PREX2: variants seen among roughly 807,000 people sequenced by gnomAD.
PREX2 encodes the protein phosphatidylinositol-3,4,5-trisphosphate dependent Rac exchange factor 2, also known as phosphatidylinositol 3,4,5-trisphosphate-dependent Rac exchanger 2 protein.
Under a neutral mutation model 203.2 loss-of-function variants are expected in PREX2, and 107 were observed. The ratio of observed to expected loss-of-function variants is 0.53; its 90% CI spans 0.45 to 0.62. The LOEUF (loss-of-function observed/expected upper bound fraction) is 0.62. PREX2 is among the 20% of genes least tolerant of loss of function. The pLI is 0.00. For synonymous variants in PREX2, 672 were observed against 663.6 expected (o/e 1.01, Z -0.19); for missense variants, 1,777 against 1,955.9 (o/e 0.91, Z 1.72).
intron 1 of PREX2, among the ~76,000 whole-genome samples, chr8:68,002,178 C>T (rs1308842712): frequency 7.5e-6 from 1 of 133,648 alleles, no homozygotes; most frequent in East Asian, 2.2e-4. Context: ...GGTGGAGTCT[C>T]GCTGTGCCAT....
At chr8:68,189,262 C>T (rs1232384599) in intron 35 of PREX2, among the ~76,000 whole-genome samples, 6 of 152,284 alleles carry the variant, frequency 3.9e-5, no homozygotes, top group Middle Eastern at 6.8e-3. Context: ...ATATTTAAAA[C>T]GTCCAGTCTT....
intron 5 of PREX2, 83 bp downstream of exon 5, chr8:68,027,406 G>T (rs956190125): frequency 2.2e-6 from 2 of 895,380 alleles, no homozygotes; most frequent in Non-Finnish European, 3.7e-6. Context: ...TTATTTTAAT[G>T]AGTCTGATAT....
intron 18 of PREX2, among the ~76,000 whole-genome samples, chr8:68,087,043 AG>A (rs1809714021): frequency 6.6e-6 from 1 of 152,134 alleles, no homozygotes; most frequent in African/African-American, 2.4e-5. Flanking sequence ...TAAGGAGAAA[AG>A]TTTCTGTTTT....
At chr8:67,993,814 C>T (rs567392457) in intron 1 of PREX2, among the ~76,000 whole-genome samples, 1 of 152,244 alleles carries the variant, frequency 6.6e-6, no homozygotes, top group East Asian at 1.9e-4. Context: ...AGCATTCTAT[C>T]CAATACGTTC....
intron 1 of PREX2, among the ~76,000 whole-genome samples, chr8:67,992,342 C>T (rs1029653519): frequency 1.3e-5 from 2 of 152,140 alleles, no homozygotes; most frequent in African/African-American, 4.8e-5. Context: ...TGGTTTTTCT[C>T]TATTTTCATG....
At chr8:68,162,243 T>C (rs1204209445) in intron 35 of PREX2, among the ~76,000 whole-genome samples, 1 of 152,198 alleles carries the variant, frequency 6.6e-6, no homozygotes, top group Admixed American at 6.5e-5. Context: ...TTTGAACGAT[T>C]TTATACTAGT....
rs1812317996 is a variant in PREX2 at position 68,192,479 on chromosome 8, A to T, written c.4558A>T (p.Arg1520Trp). ...LLSVSSELCNRLGACHIIMCS... is the reference protein window; with the variant it reads ...LLSVSSELCNWLGACHIIMCS... ...GTCAGTTTCCTCGGAGCTGTGCAAC[A>T]GGCTGGGCGCCTGCCACATCATCAT... The change falls in exon 37 of 40, where the codon AGG (arginine) becomes TGG (tryptophan). Residue 1520 changes from arginine to tryptophan, a missense_variant. Coordinates refer to ENST00000288368, the MANE Select transcript of PREX2 (RefSeq NM_024870.4). 1 of 1,611,046 alleles carries T rather than the reference A, an allele frequency of 6.2e-7. No homozygotes were observed. Among genetic ancestry groups the T allele is most frequent in the African/African-American group, 1.3e-5 (1 of 74,882 alleles).
chr8:68,232,025 C>T lies in PREX2; in HGVS notation c.*647C>T, dbSNP rs1191871816. 6.6e-6 allele frequency: 1 copy of T among 152,156 alleles called. No individual in the cohort carries two copies. Among genetic ancestry groups the T allele is most frequent in the Non-Finnish European group, 1.5e-5 (1 of 68,032 alleles). 9.4% of individuals were successfully genotyped at this position (152,156 alleles called of 1,614,324 possible). On this transcript the variant is annotated 3_prime_UTR_variant, in exon 40 of 40. Coordinates refer to ENST00000288368, the MANE Select transcript of PREX2 (RefSeq NM_024870.4). ...AGCAGGACTCACTTTCTTCTAGCTG[C>T]CTTTGGGCATCCTTTATTCTTGTGG...
At position 68,191,757 on chromosome 8, in the gene PREX2, A is replaced by G. The variant is rs199977745; in HGVS notation, c.4382A>G (p.Asn1461Ser). 23 of 1,610,810 alleles carry G rather than the reference A, an allele frequency of 1.4e-5. 1 individual carries two copies. The East Asian group carries it at 1.8e-4, about 13-fold the overall frequency. Residue 1461 changes from asparagine (N) to serine (S), a missense_variant, in exon 36 of 40, where the codon AAC becomes AGC. Coordinates refer to ENST00000288368, the MANE Select transcript of PREX2 (RefSeq NM_024870.4). ...TTGGACAAGTCAAATTCACCACCAAACTCCACATCCAAAGCTGCCTATGTA... is the reference window on the plus strand; with the variant it reads ...TTGGACAAGTCAAATTCACCACCAAGCTCCACATCCAAAGCTGCCTATGTA... Reference protein sequence around the residue: ...FYLDKSNSPPNSTSKAAYVDK... With the variant: ...FYLDKSNSPPSSTSKAAYVDK...
intron 6 of PREX2, among the ~76,000 whole-genome samples, chr8:68,032,144 C>G (rs1336163652): frequency 6.6e-6 from 1 of 152,124 alleles, no homozygotes; most frequent in African/African-American, 2.4e-5. Context: ...GGGTGCCTGA[C>G]TTCACCAGCT....
chr8:67,991,447 A>G (rs1806604944), intron 1 of PREX2, among the ~76,000 whole-genome samples: 1 of 152,080 alleles, frequency 6.6e-6, no homozygotes, highest in African/African-American at 2.4e-5. Context: ...CAGCATAGCT[A>G]GGGAGGCCTC....
intron 35 of PREX2, among the ~76,000 whole-genome samples, chr8:68,185,096 T>A (rs1022668712): frequency 4.6e-5 from 7 of 152,200 alleles, no homozygotes; most frequent in African/African-American, 1.7e-4. Context: ...TTTTGAATGC[T>A]GAATGATTCT....
chr8:68,138,248 T>C (rs971413281), intron 32 of PREX2, among the ~76,000 whole-genome samples, 167 bp from the exon 33 acceptor site: 4 of 152,194 alleles, frequency 2.6e-5, no homozygotes, highest in Admixed American at 2.6e-4. Flanking sequence ...GATTTGTTCA[T>C]TTCATTTTGG....
In PREX2 at chr8:68,115,869, A is replaced by G. The variant is rs760368551; in HGVS notation, c.3263A>G (p.Asn1088Ser). ...GERNSKRVCF[N>S]VAGDEQEDSG... Reference sequence around the variant, plus strand: ...AGAAACAGCAAACGGGTATGTTTTAATGTAGCAGGAGATGAACAGGAAGAT... The same window carrying G: ...AGAAACAGCAAACGGGTATGTTTTAGTGTAGCAGGAGATGAACAGGAAGAT... The change falls in exon 26 of 40, where the codon AAT (asparagine) becomes AGT (serine). Residue 1088 changes from asparagine to serine, a missense_variant. Coordinates refer to ENST00000288368, the MANE Select transcript of PREX2 (RefSeq NM_024870.4). The G allele has an allele frequency of 2.5e-6, 4 of 1,613,948 alleles. No homozygotes were observed. The highest frequency in any genetic ancestry group is 2.2e-5 in the South Asian group (2 of 91,090).
chr8:68,082,785 G>C (rs993043882), intron 17 of PREX2: 1 of 155,194 alleles, frequency 6.4e-6, no homozygotes, highest in Non-Finnish European at 1.4e-5. Context: ...GGCTCCCTCT[G>C]TCTCCTGCAC....
chr8:68,120,863 A>C, intron 29 of PREX2, 58 bp from the exon 30 acceptor site: 1 of 1,515,678 alleles, frequency 6.6e-7, no homozygotes, highest in East Asian at 2.3e-5. Context: ...TGAAGCCTAA[A>C]GGCTTCATTG....
chr8:68,032,581 C>G (rs1294426209), intron 6 of PREX2, among the ~76,000 whole-genome samples: 4 of 152,126 alleles, frequency 2.6e-5, no homozygotes, highest in African/African-American at 7.2e-5. Flanking sequence ...GAGGGGGGAA[C>G]TTGGTTTTCA....
chr8:68,111,513 T>G, intron 25 of PREX2, among the ~76,000 whole-genome samples: 1 of 152,310 alleles, frequency 6.6e-6, no homozygotes, highest in South Asian at 2.1e-4. Context: ...TTCAGACTAG[T>G]TATTTTTTAT....
In PREX2 at chr8:68,171,252, C is replaced by T. The variant is rs184832942; in HGVS notation, c.4346+13816C>T. Among the ~76,000 whole-genome samples the T allele has an allele frequency of 1.2e-4, 19 of 152,172 alleles. No individual in the cohort carries two copies. The East Asian group carries it at 2.9e-3, about 23-fold the overall frequency. On this transcript the variant is annotated intron_variant, in intron 35 of 39. Transcript: ENST00000288368. The stretch of plus-strand genomic sequence containing the variant: ...GTGTGCCTTCATCAATGAAGAATGG[C>T]ACATTTTCTTTAAAGAAAGTTTTAA...
Sources: allele counts gnomAD v4.1 joint callset (sites outside exome capture counted in the v4.1 genomes callset), GRCh38; gene constraint gnomAD v4.1.1; transcripts MANE v1.5; gene names NCBI Gene and HGNC (gene_info 2026-07-23, HGNC 2026-07-21).